RAD18: variants seen among roughly 807,000 people sequenced by gnomAD.
The protein encoded by RAD18 is E3 ubiquitin-protein ligase RAD18.
RAD18 carries 47 observed loss-of-function variants against 60.4 expected under a neutral mutation model. The observed-to-expected ratio is 0.78, with a 90% CI of 0.62 to 0.99. The LOEUF (loss-of-function observed/expected upper bound fraction) is 0.99. RAD18 is among the 50% of genes least tolerant of loss of function. RAD18 has a pLI of 0.00. For missense variants in RAD18, 640 were observed against 593.3 expected, an observed-to-expected ratio of 1.08 and a Z score of -0.82; for synonymous variants, 225 against 195.5, an observed-to-expected ratio of 1.15 and a Z score of -1.26.
At chr3:8,942,962 G>T (rs1940778892) in intron 4 of RAD18, among the ~76,000 whole-genome samples, 1 of 152,184 alleles carries the variant, frequency 6.6e-6, no homozygotes, top group African/African-American at 2.4e-5. Context: ...GTAAGATCAT[G>T]GACATTCAAG....
At chr3:8,931,750 A>C (rs762963640) in intron 7 of RAD18, 1 of 152,250 alleles carries the variant, frequency 6.6e-6, no homozygotes, top group African/African-American at 2.4e-5. Context: ...TTTAAGACTT[A>C]CTATAAAGTT....
rs901566926 is a variant in RAD18, at chr3:8,923,506, G to A, written c.890-9786C>T. Among the ~76,000 whole-genome samples the A allele has an allele frequency of 2.0e-5, 3 of 152,062 alleles. No individual in the cohort carries two copies. In the East Asian group the frequency reaches 5.8e-4, roughly 29 times the overall value. On this transcript the variant is annotated intron_variant, in intron 7 of 12. Transcript: ENST00000264926. ...AAACACTCTGCAGGATATTATCCAG[G>A]AGAACTTCCCCAGTCTAGCAAGGCA... is the stretch of plus-strand genomic sequence containing the variant.
At chr3:8,915,135 G>A (rs1262678690) in intron 7 of RAD18, among the ~76,000 whole-genome samples, 3 of 115,934 alleles carry the variant, frequency 2.6e-5, no homozygotes, top group Non-Finnish European at 5.1e-5. Context: ...GCGACAAAGC[G>A]AGACTCCGTC....
intron 12 of RAD18, among the ~76,000 whole-genome samples, chr3:8,881,789 C>T (rs1001632001): frequency 6.6e-6 from 1 of 152,152 alleles, no homozygotes; most frequent in Non-Finnish European, 1.5e-5. Flanking sequence ...GACAGTCTAA[C>T]AAAATCTTAA....
chr3:8,953,629 G>A (rs143113356), intron 2 of RAD18, among the ~76,000 whole-genome samples: 25 of 152,238 alleles, frequency 1.6e-4, no homozygotes, highest in African/African-American at 5.5e-4. Flanking sequence ...ATCCAAGAGA[G>A]CCCAAAAAAG....
chr3:8,950,375 C>T (rs1256128703), intron 2 of RAD18, among the ~76,000 whole-genome samples: 2 of 152,144 alleles, frequency 1.3e-5, no homozygotes, highest in Non-Finnish European at 2.9e-5. Context: ...TCAGAAGAAA[C>T]TATTTTACAG....
chr3:8,893,032 G>A (rs1188353783), intron 11 of RAD18, among the ~76,000 whole-genome samples: 1 of 152,152 alleles, frequency 6.6e-6, no homozygotes, highest in Admixed American at 6.5e-5. Flanking sequence ...CGCAGTAAAT[G>A]TTCAACAAAT....
intron 8 of RAD18, 27 bp from the exon 9 acceptor site, chr3:8,912,399 T>A: frequency 1.4e-6 from 2 of 1,457,022 alleles, no homozygotes; most frequent in Non-Finnish European, 9.3e-7. Flanking sequence ...AAGACCTTAA[T>A]AAAAATCTCC....
In RAD18 at chr3:8,902,444, T is replaced by C. The variant is rs1939929260; in HGVS notation, c.1104A>G (p.Ser368=). The change falls in exon 10 of 13, where the codon TCA becomes TCG. Residue 368 remains serine, a synonymous_variant. Coordinates refer to ENST00000264926, the MANE Select transcript of RAD18 (RefSeq NM_020165.4). ...RKGYKKIAGM[S]QKTVTITKED... ...CTTTTGTTATTGTTACTGTTTTTTG[T>C]GACATTCCAGCAATTTTCTTGTATC... 1.9e-6 allele frequency: 3 copies of C among 1,610,934 alleles called. No homozygotes were observed. Among genetic ancestry groups the C allele is most frequent in the Non-Finnish European group, 2.5e-6 (3 of 1,178,022 alleles).
chr3:8,915,872 C>T (rs1406398025), intron 7 of RAD18, among the ~76,000 whole-genome samples: 7 of 152,046 alleles, frequency 4.6e-5, no homozygotes, highest in African/African-American at 9.7e-5. Context: ...CGTGAGCCAC[C>T]GCACCTGGCC....
chr3:8,878,049 T>C lies in RAD18; in HGVS notation c.*3308A>G, dbSNP rs1401273618. 1 of 152,414 alleles carries C rather than the reference T, an allele frequency of 6.6e-6. No homozygotes were observed. Among genetic ancestry groups the C allele is most frequent in the East Asian group, 1.9e-4 (1 of 5,196 alleles). The allele number at this position is 152,414 out of a possible 1,614,324, so 9.4% of individuals were successfully genotyped here. On this transcript the variant is annotated 3_prime_UTR_variant, in exon 13 of 13. Transcript: ENST00000264926. ...TTGCATCTTGGGGCTATATCGGGGA[T>C]GGCGTCCTAGGCAAGGTAGGACTTT...
chr3:8,907,808 A>G (rs749106336), intron 9 of RAD18, among the ~76,000 whole-genome samples: 2 of 152,072 alleles, frequency 1.3e-5, no homozygotes, highest in Non-Finnish European at 1.5e-5. Context: ...TGCAACCTCA[A>G]TTTTCTAAGA....
At chr3:8,936,736 C>T (rs1341538984) in intron 6 of RAD18, among the ~76,000 whole-genome samples, 1 of 152,190 alleles carries the variant, frequency 6.6e-6, no homozygotes, top group Non-Finnish European at 1.5e-5. Context: ...CTAGCTCACA[C>T]AAGGCTGTCC....
At chr3:8,897,041 A>AT (rs1348108889) in intron 11 of RAD18, among the ~76,000 whole-genome samples, 1 of 152,218 alleles carries the variant, frequency 6.6e-6, no homozygotes, top group Non-Finnish European at 1.5e-5. Context: ...AGAATTAAAC[A>AT]TTTGTGCTTA....
At chr3:8,944,625 A>G (rs539351436) in intron 4 of RAD18, among the ~76,000 whole-genome samples, 1 of 138,504 alleles carries the variant, frequency 7.2e-6, no homozygotes, top group East Asian at 2.5e-4. Context: ...GGAGGGAGAA[A>G]GGAAAGGAGG....
At chr3:8,882,946 G>C (rs1300402582) in intron 12 of RAD18, among the ~76,000 whole-genome samples, 2 of 152,152 alleles carry the variant, frequency 1.3e-5, no homozygotes, top group Non-Finnish European at 2.9e-5. Flanking sequence ...CATTCAAAAA[G>C]TATGATACAC....
rs181815975 is a variant in RAD18 at position 8,908,539 on chromosome 3, G to A, written c.1027+3773C>T. Among the ~76,000 whole-genome samples the A allele has an allele frequency of 2.6e-3, 396 of 152,154 alleles. 6 individuals carry two copies. The highest frequency in any genetic ancestry group is 1.0e-4 in the Non-Finnish European group (7 of 68,026). On this transcript the variant is annotated intron_variant, in intron 9 of 12. Coordinates refer to ENST00000264926, the MANE Select transcript of RAD18 (RefSeq NM_020165.4). ...CTTCCTGCATGGCCCTGAGAAGCTC[G>A]GGACACCTTGATCTTAGACTTCTAG...
At chr3:8,906,550 T>C (rs1248807924) in intron 9 of RAD18, among the ~76,000 whole-genome samples, 1 of 152,224 alleles carries the variant, frequency 6.6e-6, no homozygotes, top group African/African-American at 2.4e-5. Context: ...TGTTCCCTTC[T>C]ATCTCTGTGA....
chr3:8,929,141 C>T (rs1037091897), intron 7 of RAD18, among the ~76,000 whole-genome samples: 1 of 151,852 alleles, frequency 6.6e-6, no homozygotes. Flanking sequence ...CGAGAACAAT[C>T]TGAAATTATC....
Sources: gnomAD v4.1 joint callset for allele counts (sites outside exome capture counted in the v4.1 genomes callset) on GRCh38, gnomAD v4.1.1 for gene constraint, MANE v1.5 for transcripts, NCBI Gene and HGNC (gene_info 2026-07-23, HGNC 2026-07-21) for gene names.